GRHL3: variants seen among roughly 807,000 people sequenced by gnomAD.
GRHL3 encodes grainyhead like transcription factor 3, also known as grainyhead-like protein 3 homolog.
In GRHL3, 20 loss-of-function variants were observed where a neutral mutation model predicts 70.3. The ratio of observed to expected loss-of-function variants is 0.28; its 90% CI spans 0.20 to 0.41. The LOEUF (loss-of-function observed/expected upper bound fraction) is 0.41. GRHL3 is among the 10% of genes least tolerant of loss of function. The pLI is 1.00. For synonymous variants in GRHL3, 299 were observed against 299.9 expected (o/e 1.00, Z 0.03); for missense variants, 637 against 762.3 (o/e 0.84, Z 1.94).
chr1:24,333,074 G>T (rs761746719), intron 2 of GRHL3, among the ~76,000 whole-genome samples: 9 of 152,234 alleles, frequency 5.9e-5, no homozygotes, highest in Non-Finnish European at 1.3e-4. Flanking sequence ...CCAACTCCTT[G>T]TCCCCTTGGC....
Position 24,341,404 on chromosome 1 carries a change from G to A in GRHL3, c.1048-711G>A, listed in dbSNP as rs769849319. On this transcript the variant is annotated intron_variant, in intron 8 of 15. Coordinates refer to ENST00000361548, the MANE Select transcript of GRHL3 (RefSeq NM_198173.3). ...CTGAAGCCGTATATGGCTAGTGAGC[G>A]GCAGAGCCCAGCTTCCTGCAGCAGA... 7.2e-5 allele frequency among the ~76,000 whole-genome samples: 11 copies of A among 152,308 alleles called. No individual in the cohort carries two copies. In the South Asian group the frequency reaches 1.2e-3, roughly 17 times the overall value.
chr1:24,358,542 C>T (rs1283484181), downstream of GRHL3: 3 of 1,613,156 alleles, frequency 1.9e-6, no homozygotes, highest in East Asian at 4.5e-5. Context: ...GTGTGACATC[C>T]CTACAGAACC....
chr1:24,335,071 A>C (rs1317393706), intron 3 of GRHL3, among the ~76,000 whole-genome samples: 1 of 147,724 alleles, frequency 6.8e-6, no homozygotes, highest in African/African-American at 2.5e-5. Flanking sequence ...ACAGACACAC[A>C]CCCCAGATGC....
intron 11 of GRHL3, 62 bp downstream of exon 11, chr1:24,343,087 C>T: frequency 1.2e-6 from 2 of 1,605,002 alleles, no homozygotes; most frequent in South Asian, 1.1e-5. Flanking sequence ...CTAGGTGGGG[C>T]CTGCCTTAGC....
Position 24,342,629 on chromosome 1 carries a change from A to G in GRHL3, c.1207-65A>G. Reference sequence around the variant, plus strand: ...TTGGCCCATATTTAAGATGCAAAGCAGCAGCTGTGAAAGTAGCTAGCCCCT... The same window carrying G: ...TTGGCCCATATTTAAGATGCAAAGCGGCAGCTGTGAAAGTAGCTAGCCCCT... On this transcript the variant is annotated intron_variant, in intron 9 of 15. Transcript: ENST00000361548. The surrounding 1 kb of genome is among the most constrained non-coding windows in gnomAD (Gnocchi z 4.8). The G allele has an allele frequency of 7.4e-7, 1 of 1,357,578 alleles. No homozygotes were observed. Among genetic ancestry groups the G allele is most frequent in the Admixed American group, 1.7e-5 (1 of 59,002 alleles). The allele number at this position is 1,357,578 out of a possible 1,614,324, so 84.1% of individuals were successfully genotyped here. A position where few individuals can be genotyped will look rare whatever the true frequency, so the allele number is the denominator to read the frequency against.
downstream of GRHL3, among the ~76,000 whole-genome samples, chr1:24,359,573 C>G (rs150278581): frequency 2.7e-3 from 415 of 152,322 alleles, 2 homozygotes; most frequent in African/African-American, 9.3e-3. The surrounding 1 kb of genome is among the most constrained non-coding windows in gnomAD (Gnocchi z 5.3). Context: ...TTAGTCTCAC[C>G]TGTGAGTATG....
chr1:24,358,114 G>A (rs551233112), downstream of GRHL3: 1 of 426,416 alleles, frequency 2.3e-6, no homozygotes, highest in South Asian at 1.7e-5. Context: ...ATGAATGAAT[G>A]TGTAAATGAA....
chr1:24,319,494 TAGAGA>T lies in GRHL3; in HGVS notation c.-57_-53del. ...GAGAATGTCTGTGTCAGGCAAGAAT[TAGAGA>T]CAAGCGGTCAGCAGAGCCTCAGTGC... On this transcript the variant is annotated 5_prime_UTR_variant, in exon 1 of 16. The change abolishes the stop of an existing upstream ORF in the 5' untranslated region. Transcript: ENST00000361548. 9 of 1,497,548 alleles carry T rather than the reference TAGAGA, an allele frequency of 6.0e-6. No homozygotes were observed. Among genetic ancestry groups the T allele is most frequent in the Non-Finnish European group, 8.4e-6 (9 of 1,074,052 alleles). The allele number at this position is 1,497,548 out of a possible 1,614,324, so 92.8% of individuals were successfully genotyped here.
chr1:24,354,361 T>C lies in GRHL3; in HGVS notation c.1695-13T>C. The C allele has an allele frequency of 8.8e-6, 14 of 1,590,038 alleles. No individual in the cohort carries two copies. The highest frequency in any genetic ancestry group is 1.2e-5 in the Non-Finnish European group (14 of 1,158,202). ...CCTGCTGTGTTCCAACCACATCCCC[T>C]CTTCCATTCCAGAATCTTAGTCAAC... On this transcript the variant is annotated splice_polypyrimidine_tract_variant and intron_variant, in intron 15 of 15. Coordinates refer to ENST00000361548, the MANE Select transcript of GRHL3 (RefSeq NM_198173.3).
chr1:24,347,595 C>A (rs1350709048), intron 14 of GRHL3, 42 bp downstream of exon 14: 2 of 1,449,466 alleles, frequency 1.4e-6, no homozygotes, highest in Non-Finnish European at 9.7e-7. Context: ...CAGACCCCCT[C>A]TAGGCTCCTG....
Position 24,354,492 on chromosome 1 carries a change from C to T in GRHL3, c.*4C>T, listed in dbSNP as rs771016789. On this transcript the variant is annotated 3_prime_UTR_variant, in exon 16 of 16. Transcript: ENST00000361548. ...GATCATCCTTAAGGAGCTGTAAGGC[C>T]TCTCGAGCATCCAAACCCTCACGAC... The T allele has an allele frequency of 6.3e-7, 1 of 1,592,462 alleles. No individual in the cohort carries two copies. Among genetic ancestry groups the T allele is most frequent in the South Asian group, 1.1e-5 (1 of 90,664 alleles).
chr1:24,364,334 C>A (rs1264431029), exon 16 of GRHL3: 6 of 1,548,728 alleles, frequency 3.9e-6, no homozygotes, highest in Middle Eastern at 1.7e-4. Flanking sequence ...AGCCCCACCA[C>A]CGTCAACAGC....
chr1:24,324,104 CT>C (rs1222047123), intron 1 of GRHL3, among the ~76,000 whole-genome samples: 6 of 152,150 alleles, frequency 3.9e-5, no homozygotes, highest in African/African-American at 1.2e-4. Context: ...ATTTCAACTT[CT>C]TTCACACCTC....
In GRHL3 at chr1:24,321,840, G is replaced by A. The variant is rs1204365284; in HGVS notation, c.17+2272G>A. On this transcript the variant is annotated intron_variant, in intron 1 of 15. Coordinates refer to ENST00000361548, the MANE Select transcript of GRHL3 (RefSeq NM_198173.3). This position sits in a 1 kb window ranked among gnomAD's most constrained non-coding sequence, Gnocchi z 4.0. ...GGTGGCTGGCGGGTGCTGAGCGCCGGGCCTTTCATGTGGTCGCAGCGCTCT... is the reference window on the plus strand; with the variant it reads ...GGTGGCTGGCGGGTGCTGAGCGCCGAGCCTTTCATGTGGTCGCAGCGCTCT... The A allele has an allele frequency of 6.6e-6, 1 of 152,278 alleles. No individual in the cohort carries two copies. Among genetic ancestry groups the A allele is most frequent in the African/African-American group, 2.4e-5 (1 of 41,454 alleles). The allele number at this position is 152,278 out of a possible 1,614,324, so 9.4% of individuals were successfully genotyped here.
At position 24,346,656 on chromosome 1, in the gene GRHL3, T is replaced by C. The variant is rs755356907; in HGVS notation, c.1543+15T>C. The C allele has an allele frequency of 1.1e-5, 18 of 1,598,328 alleles. No individual in the cohort carries two copies. The South Asian group carries it at 2.0e-4, about 18-fold the overall frequency. Reference sequence around the variant, plus strand: ...CCTTCAGAGAGGTGACCTCCCGCCCTCCTCATTTACTCACCAGGCCCACCC... The same window carrying C: ...CCTTCAGAGAGGTGACCTCCCGCCCCCCTCATTTACTCACCAGGCCCACCC... On this transcript the variant is annotated intron_variant, in intron 13 of 15. Coordinates refer to ENST00000361548, the MANE Select transcript of GRHL3 (RefSeq NM_198173.3).
At chr1:24,344,816 C>T in intron 11 of GRHL3, 81 bp from the exon 12 acceptor site, 4 of 1,532,704 alleles carry the variant, frequency 2.6e-6, no homozygotes, top group Middle Eastern at 1.7e-4. Context: ...AAAAATATTC[C>T]TCCCAGAGAG....
At chr1:24,335,187 C>G (rs1239099514) in intron 3 of GRHL3, among the ~76,000 whole-genome samples, 1 of 152,330 alleles carries the variant, frequency 6.6e-6, no homozygotes, top group South Asian at 2.1e-4. Flanking sequence ...ACCCTCTCCC[C>G]TGAAGACCCA....
intron 1 of GRHL3, chr1:24,323,147 A>G: frequency 7.2e-7 from 1 of 1,383,490 alleles, no homozygotes; most frequent in Non-Finnish European, 1.0e-6. Context: ...TATTTGTTGT[A>G]TTTTACAAAC....
At chr1:24,339,605 C>T (rs747152501) in intron 7 of GRHL3, 63 bp from the exon 8 acceptor site, 7 of 1,155,280 alleles carry the variant, frequency 6.1e-6, no homozygotes, top group Non-Finnish European at 8.8e-6. Flanking sequence ...TTAATGCCTC[C>T]CTCCTCAAGT....
Sources: allele counts gnomAD v4.1 joint callset (sites outside exome capture counted in the v4.1 genomes callset), GRCh38; gene constraint gnomAD v4.1.1; non-coding constraint Gnocchi (gnomAD v3.1); transcripts MANE v1.5; gene names NCBI Gene and HGNC (gene_info 2026-07-23, HGNC 2026-07-21).